The following SLC2A2 variants were observed in gnomAD, a reference collection of about 807,000 sequenced individuals.
SLC2A2 encodes the protein solute carrier family 2 member 2.
A neutral mutation model predicts 54.5 loss-of-function variants in SLC2A2; 36 were observed. That is an observed-to-expected ratio of 0.66 (90% CI 0.51 to 0.87). The LOEUF is 0.87. SLC2A2 is among the 40% of genes least tolerant of loss of function. The pLI is 0.00. For missense variants in SLC2A2, 543 were observed against 624.3 expected, an observed-to-expected ratio of 0.87 and a Z score of 1.39; for synonymous variants, 223 against 219.1, an observed-to-expected ratio of 1.02 and a Z score of -0.16.
rs771843187 is a variant in SLC2A2 at position 171,010,051 on chromosome 3, A to G, written c.403T>C (p.Ser135Pro). 6.2e-7 allele frequency: 1 copy of G among 1,612,954 alleles called. No individual in the cohort carries two copies. Among genetic ancestry groups the G allele is most frequent in the Non-Finnish European group, 8.5e-7 (1 of 1,179,240 alleles). The change falls in exon 4 of 11, where the codon TCA (serine) becomes CCA (proline). Residue 135 changes from serine (S) to proline (P), a missense_variant. By Grantham distance (74) the Ser-to-Pro change is moderately conservative. Transcript: ENST00000314251. ...IKAMLVANIL[S>P]LVGALLMGFS... ...CCCATCAAGAGAGCTCCAACTAATG[A>G]CAGAATGTTTGCTACTAACATGGCT...
At chr3:171,013,405 A>G (rs1205984915) in intron 3 of SLC2A2, among the ~76,000 whole-genome samples, 1 of 152,156 alleles carries the variant, frequency 6.6e-6, no homozygotes, top group Admixed American at 6.5e-5. Flanking sequence ...GAAATTGACC[A>G]CTGTCTTTTA....
chr3:171,007,363 C>G (rs1453671595), intron 4 of SLC2A2, 100 bp from the exon 5 acceptor site: 2 of 739,052 alleles, frequency 2.7e-6, no homozygotes, highest in Non-Finnish European at 2.4e-6. Context: ...GAAAGCCCCT[C>G]CCTGAATTCA....
chr3:171,001,427 C>T (rs1015180854), intron 8 of SLC2A2, among the ~76,000 whole-genome samples: 13 of 151,902 alleles, frequency 8.6e-5, no homozygotes, highest in African/African-American at 2.2e-4. Flanking sequence ...ATTGGTGTTT[C>T]GTTATTATCT....
chr3:171,004,764 A>C (rs543098564), intron 7 of SLC2A2, among the ~76,000 whole-genome samples: 20 of 152,142 alleles, frequency 1.3e-4, no homozygotes, highest in African/African-American at 4.8e-4. Context: ...TACCGTCCTT[A>C]GTCAACAATA....
chr3:171,021,339 T>C (rs573960415), intron 1 of SLC2A2, among the ~76,000 whole-genome samples: 151 of 152,358 alleles, frequency 9.9e-4, no homozygotes, highest in Non-Finnish European at 1.7e-3. Flanking sequence ...TCATGTGAGA[T>C]GCAACACAAA....
intron 6 of SLC2A2, 42 bp from the exon 7 acceptor site, chr3:171,005,514 A>T (rs772566348): frequency 6.6e-7 from 1 of 1,505,586 alleles, no homozygotes; most frequent in South Asian, 1.1e-5. Context: ...TCAGGCCAAA[A>T]CAAAAAGAAA....
chr3:171,009,877 A>G, intron 4 of SLC2A2, 81 bp downstream of exon 4: 1 of 1,514,292 alleles, frequency 6.6e-7, no homozygotes, highest in Non-Finnish European at 8.9e-7. Flanking sequence ...GAGTGCTACC[A>G]CATCCGCCTT....
Position 171,007,188 on chromosome 3 carries a change from A to G in SLC2A2, c.572T>C (p.Phe191Ser). The part of the protein sequence containing the change: ...PTALRGALGT[F>S]HQLAIVTGIL... ...GCCCGTGACGATGGCCAGCTGATGA[A>G]AAGTGCCAAGTGCTCCCCTGAGAGC... The change falls in exon 5 of 11, where the codon TTT (phenylalanine) becomes TCT (serine). Residue 191 changes from phenylalanine (F) to serine (S), a missense_variant. Around this residue, in one of 3 missense-constraint regions of SLC2A2, gnomAD observed 318 missense variants for 343.8 expected, o/e 0.93. Coordinates refer to ENST00000314251, the MANE Select transcript of SLC2A2 (RefSeq NM_000340.2). The G allele has an allele frequency of 6.2e-7, 1 of 1,612,768 alleles. No individual in the cohort carries two copies. The highest frequency in any genetic ancestry group is 8.5e-7 in the Non-Finnish European group (1 of 1,179,132).
intron 2 of SLC2A2, among the ~76,000 whole-genome samples, chr3:171,016,480 T>C (rs1716154379): frequency 6.6e-6 from 1 of 151,956 alleles, no homozygotes; most frequent in African/African-American, 2.4e-5. Context: ...ATAATATGCA[T>C]AGAAAAAAAA....
chr3:171,015,822 G>A (rs1010274846), intron 2 of SLC2A2, among the ~76,000 whole-genome samples: 1 of 152,150 alleles, frequency 6.6e-6, no homozygotes, highest in African/African-American at 2.4e-5. Context: ...TCTCCTGTGG[G>A]TCCTCATAGA....
chr3:171,016,602 T>A (rs993816508), intron 2 of SLC2A2, among the ~76,000 whole-genome samples: 1 of 152,150 alleles, frequency 6.6e-6, no homozygotes, highest in Non-Finnish European at 1.5e-5. Flanking sequence ...AGTGTGATTT[T>A]AAAATCCTTC....
At chr3:171,001,668 A>G (rs1163474523) in intron 8 of SLC2A2, among the ~76,000 whole-genome samples, 2 of 152,078 alleles carry the variant, frequency 1.3e-5, no homozygotes, top group African/African-American at 4.8e-5. Context: ...AAAGATAAAA[A>G]TAAGCTCAAT....
chr3:171,026,010 C>G (rs1716673674), intron 1 of SLC2A2, among the ~76,000 whole-genome samples: 1 of 152,048 alleles, frequency 6.6e-6, no homozygotes, highest in South Asian at 2.1e-4. Context: ...GAACCATTTA[C>G]AAATAAGCTG....
intron 2 of SLC2A2, among the ~76,000 whole-genome samples, chr3:171,016,008 G>T (rs1449118180): frequency 6.6e-6 from 1 of 152,166 alleles, no homozygotes; most frequent in Non-Finnish European, 1.5e-5. Context: ...TCAGTGAGCT[G>T]GGAGGGTACT....
intron 5 of SLC2A2, 96 bp from the exon 6 acceptor site, chr3:171,006,201 A>T: frequency 2.7e-6 from 3 of 1,102,514 alleles, no homozygotes; most frequent in Non-Finnish European, 4.0e-6. Flanking sequence ...ATTTAATAGT[A>T]GTCTCTGACA....
chr3:171,001,955 T>A (rs1715356056), intron 8 of SLC2A2, among the ~76,000 whole-genome samples: 1 of 151,862 alleles, frequency 6.6e-6, no homozygotes, highest in African/African-American at 2.4e-5. Context: ...CAATAACATT[T>A]CTAGTTACTA....
At chr3:171,015,775 G>C (rs1156597916) in intron 2 of SLC2A2, among the ~76,000 whole-genome samples, 2 of 152,178 alleles carry the variant, frequency 1.3e-5, no homozygotes, top group African/African-American at 4.8e-5. Context: ...CAATAAGTTA[G>C]TGGCCCTTGA....
chr3:170,998,370 C>T lies in SLC2A2; in HGVS notation c.1197G>A (p.Val399=), dbSNP rs1715193683. ...CAAAGAGGAAGATGGCTATCATGCT[C>T]ACATAACTCATCCAAGAGAACTTAT... ...LLNKFSWMSY[V]SMIAIFLFVS... Residue 399 remains valine (V), a synonymous_variant, in exon 10 of 11, where the codon GTG becomes GTA. Coordinates refer to ENST00000314251, the MANE Select transcript of SLC2A2 (RefSeq NM_000340.2). The T allele has an allele frequency of 3.1e-6, 5 of 1,613,564 alleles. No individual in the cohort carries two copies. The highest frequency in any genetic ancestry group is 3.4e-6 in the Non-Finnish European group (4 of 1,179,716).
intron 6 of SLC2A2, 79 bp from the exon 7 acceptor site, chr3:171,005,551 A>G (rs551025347): frequency 1.7e-6 from 2 of 1,145,710 alleles, no homozygotes; most frequent in Non-Finnish European, 2.6e-6. Context: ...TGAAAGAGCT[A>G]CATTTCTGCA....
Sources: gnomAD v4.1 joint callset for allele counts (sites outside exome capture counted in the v4.1 genomes callset) on GRCh38, gnomAD v4.1.1 for gene constraint, gnomAD v4.1.1 regional missense constraint, MANE v1.5 for transcripts, NCBI Gene and HGNC (gene_info 2026-07-23, HGNC 2026-07-21) for gene names.